RGS7: variants seen among roughly 807,000 people sequenced by gnomAD.
RGS7 encodes the protein regulator of G protein signaling 7.
A neutral mutation model predicts 81.1 loss-of-function variants in RGS7; 27 were observed. The ratio of observed to expected loss-of-function variants is 0.33; its 90% CI spans 0.25 to 0.46. The LOEUF (loss-of-function observed/expected upper bound fraction) is 0.46, where lower values mean the gene tolerates loss of function less well. Ranked by LOEUF, RGS7 falls within the 20% of genes least tolerant of loss-of-function variation. The probability of loss-of-function intolerance (pLI) is 1.00; values close to 1 mark genes in which losing one functional copy is unlikely to be tolerated. For synonymous variants in RGS7, 208 were observed against 207.7 expected (o/e 1.00, Z -0.01); for missense variants, 396 against 607.4 (o/e 0.65, Z 3.66).
intron 2 of RGS7, among the ~76,000 whole-genome samples, chr1:241,102,213 A>G (rs2064799690): frequency 6.6e-6 from 1 of 151,752 alleles, no homozygotes; most frequent in Admixed American, 6.6e-5. Context: ...GAAAACAACA[A>G]CAACAAAATG....
intron 9 of RGS7, among the ~76,000 whole-genome samples, chr1:240,848,037 T>C (rs1402682119): frequency 1.3e-5 from 2 of 152,158 alleles, no homozygotes; most frequent in South Asian, 2.1e-4. Context: ...TACACTAAAA[T>C]AGGGGTTCTT....
chr1:240,784,013 T>TAAAAAAAA (rs71172645), intron 18 of RGS7, among the ~76,000 whole-genome samples: 2 of 83,380 alleles, frequency 2.4e-5, no homozygotes, highest in African/African-American at 5.1e-5. Flanking sequence ...CTGTCTCTAC[T>TAAAAAAAA]AAAAAAAAAA....
At chr1:240,799,792 G>A (rs1687736576) in intron 18 of RGS7, among the ~76,000 whole-genome samples, 1 of 152,188 alleles carries the variant, frequency 6.6e-6, no homozygotes, top group African/African-American at 2.4e-5. Context: ...CATAGCACAT[G>A]GTTTAGAATA....
intron 2 of RGS7, among the ~76,000 whole-genome samples, chr1:241,194,082 G>A (rs933765517): frequency 6.6e-6 from 1 of 152,068 alleles, no homozygotes; most frequent in African/African-American, 2.4e-5. Flanking sequence ...GTCTATATTC[G>A]TTAGACAGCA....
chr1:241,244,338 C>T (rs2076412002), intron 2 of RGS7, among the ~76,000 whole-genome samples: 1 of 152,106 alleles, frequency 6.6e-6, no homozygotes, highest in Admixed American at 6.5e-5. Flanking sequence ...ATTTATGCAG[C>T]CAAAAGACAC....
chr1:240,797,939 T>G (rs961310841), intron 18 of RGS7, among the ~76,000 whole-genome samples: 4 of 152,194 alleles, frequency 2.6e-5, no homozygotes, highest in African/African-American at 9.6e-5. Context: ...TGTGAGTTAT[T>G]TTTCTCCTAC....
At chr1:241,242,328 A>AGATAGATAGAT (rs2076303178) in intron 2 of RGS7, among the ~76,000 whole-genome samples, 1 of 152,022 alleles carries the variant, frequency 6.6e-6, no homozygotes, top group Non-Finnish European at 1.5e-5. Context: ...ATAGATAGAT[A>AGATAGATAGAT]GATAGATAGA....
chr1:240,805,008 A>G (rs1688613406), intron 15 of RGS7, among the ~76,000 whole-genome samples: 1 of 152,200 alleles, frequency 6.6e-6, no homozygotes, highest in Non-Finnish European at 1.5e-5. Flanking sequence ...ACTTTTTAGA[A>G]TTAATATTCT....
At chr1:241,235,163 G>A (rs1253105446) in intron 2 of RGS7, among the ~76,000 whole-genome samples, 1 of 152,266 alleles carries the variant, frequency 6.6e-6, no homozygotes, top group African/African-American at 2.4e-5. Context: ...AAAACTGATA[G>A]TAACAATGGG....
chr1:240,831,236 G>A (rs1176421659), intron 9 of RGS7, among the ~76,000 whole-genome samples: 2 of 152,046 alleles, frequency 1.3e-5, no homozygotes, highest in Non-Finnish European at 2.9e-5. Context: ...TGGTTCAACA[G>A]ATCTATGATA....
chr1:240,957,556 A>T (rs1189329663), intron 4 of RGS7, among the ~76,000 whole-genome samples: 1 of 152,218 alleles, frequency 6.6e-6, no homozygotes, highest in Non-Finnish European at 1.5e-5. Flanking sequence ...GAGGCATGAC[A>T]ACTAAATCTA....
intron 2 of RGS7, among the ~76,000 whole-genome samples, chr1:241,355,119 T>C (rs2083474623): frequency 6.6e-6 from 1 of 152,196 alleles, no homozygotes; most frequent in Non-Finnish European, 1.5e-5. Context: ...TTAATAGGCA[T>C]ACGGCACTAG....
At chr1:240,905,899 T>C (rs1670743282) in intron 6 of RGS7, among the ~76,000 whole-genome samples, 1 of 152,174 alleles carries the variant, frequency 6.6e-6, no homozygotes, top group African/African-American at 2.4e-5. Flanking sequence ...TCAACAAGTA[T>C]TTGTAAATGT....
In RGS7 at chr1:240,806,305, G is replaced by T. The variant is rs758189548; in HGVS notation, c.1104C>A (p.Asp368Glu). The change falls in exon 15 of 19, where the codon GAC (aspartate) becomes GAA (glutamate). Residue 368 changes from aspartate (D) to glutamate (E), a missense_variant. Transcript: ENST00000440928. ...ENLRFWLAVE[D>E]LKKRPIKEVP... is the part of the protein sequence containing the mutation. ...CTTCTTTAATAGGCCTCTTTTTCAG[G>T]TCCTCCACTGCCAGCCAGAATCTAT... 9.5e-5 allele frequency: 154 copies of T among 1,613,628 alleles called. No individual in the cohort carries two copies. The highest frequency in any genetic ancestry group is 1.5e-4 in the Admixed American group (9 of 59,962).
At position 240,800,653 on chromosome 1, in the gene RGS7, C is replaced by T; in HGVS notation, c.1482G>A (p.Leu494=). The T allele has an allele frequency of 7.1e-6, 11 of 1,542,976 alleles. No individual in the cohort carries two copies. Among genetic ancestry groups the T allele is most frequent in the Non-Finnish European group, 9.6e-6 (11 of 1,141,576 alleles). The change falls in exon 18 of 19, where the codon CTG becomes CTA. Residue 494 remains leucine, a synonymous_variant. Transcript: ENST00000440928. Reference sequence around the variant, plus strand: ...AAGATTTTTCTACCTCTTTTCATAACAGGTTAGTGCTGGCCCTCAGTGTTG... The same window carrying T: ...AAGATTTTTCTACCTCTTTTCATAATAGGTTAGTGCTGGCCCTCAGTGTTG... ...CTPTLRASTN[L]L is the part of the protein sequence containing the mutation.
chr1:241,220,886 C>G (rs1240397055), intron 2 of RGS7, among the ~76,000 whole-genome samples: 2 of 143,992 alleles, frequency 1.4e-5, no homozygotes, highest in Admixed American at 7.2e-5. Flanking sequence ...GGGTGACAGA[C>G]AGAGAGAGAG....
intron 9 of RGS7, among the ~76,000 whole-genome samples, chr1:240,851,539 C>A (rs529219601): frequency 6.6e-6 from 1 of 152,274 alleles, no homozygotes; most frequent in East Asian, 1.9e-4. Context: ...GTAATTTTGA[C>A]TTTCAAGTCT....
rs1425901956 is a variant in RGS7 at position 240,811,909 on chromosome 1, G to C, written c.1082+9C>G. The C allele has an allele frequency of 6.2e-7, 1 of 1,607,052 alleles. No homozygotes were observed. The highest frequency in any genetic ancestry group is 1.3e-5 in the African/African-American group (1 of 74,958). On this transcript the variant is annotated intron_variant, in intron 14 of 18. Transcript: ENST00000440928. ...CTCTGGCTTATAAGATCCAAGCAATGTGTTTTACCTTAAATTTTCCGAGCT... is the reference window on the plus strand; with the variant it reads ...CTCTGGCTTATAAGATCCAAGCAATCTGTTTTACCTTAAATTTTCCGAGCT...
chr1:241,246,153 G>A (rs2076529523), intron 2 of RGS7, among the ~76,000 whole-genome samples: 1 of 152,014 alleles, frequency 6.6e-6, no homozygotes, highest in South Asian at 2.1e-4. Flanking sequence ...GTGATGATGG[G>A]GTGTGGATGA....
Sources: allele counts gnomAD v4.1 joint callset (sites outside exome capture counted in the v4.1 genomes callset), GRCh38; gene constraint gnomAD v4.1.1; transcripts MANE v1.5; gene names NCBI Gene and HGNC (gene_info 2026-07-23, HGNC 2026-07-21).